The following SRGAP3 variants were observed in gnomAD, a reference collection of about 807,000 sequenced individuals.
The protein encoded by SRGAP3 is SLIT-ROBO Rho GTPase activating protein 3, also known as SLIT-ROBO Rho GTPase-activating protein 3.
A neutral mutation model predicts 121.1 loss-of-function variants in SRGAP3; 39 were observed. The ratio of observed to expected loss-of-function variants is 0.32; its 90% CI spans 0.25 to 0.42. SRGAP3 has a LOEUF of 0.42. Ranked by LOEUF, SRGAP3 falls within the 10% of genes least tolerant of loss-of-function variation. SRGAP3 has a pLI of 1.00. For synonymous variants in SRGAP3, 601 were observed against 570.0 expected (o/e 1.05, Z -0.77); for missense variants, 1,213 against 1,470.6 (o/e 0.82, Z 2.86).
chr3:9,024,671 C>A (rs938599422), intron 14 of SRGAP3, among the ~76,000 whole-genome samples: 2 of 152,194 alleles, frequency 1.3e-5, no homozygotes, highest in Non-Finnish European at 2.9e-5. Flanking sequence ...AAAATGGGAA[C>A]TAGGTCACCT....
chr3:9,046,161 T>C (rs983524493), intron 10 of SRGAP3, among the ~76,000 whole-genome samples: 1 of 151,178 alleles, frequency 6.6e-6, no homozygotes, highest in Non-Finnish European at 1.5e-5. Flanking sequence ...CCCCCAAGTA[T>C]AACCACCACT....
intron 3 of SRGAP3, among the ~76,000 whole-genome samples, chr3:9,086,115 C>T (rs1947460170): frequency 6.6e-6 from 1 of 152,240 alleles, no homozygotes; most frequent in Non-Finnish European, 1.5e-5. Flanking sequence ...CCCCTAGAAG[C>T]TAAATTCAGA....
intron 3 of SRGAP3, among the ~76,000 whole-genome samples, chr3:9,291,071 A>T (rs1954860820): frequency 6.6e-6 from 1 of 152,176 alleles, no homozygotes; most frequent in African/African-American, 2.4e-5. Context: ...CTTTACCGAT[A>T]AATAAAATAT....
At chr3:9,118,053 G>GCCCAGA (rs1422842807) in intron 2 of SRGAP3, among the ~76,000 whole-genome samples, 12 of 152,030 alleles carry the variant, frequency 7.9e-5, no homozygotes, top group African/African-American at 2.9e-4. Flanking sequence ...GATCACTTGA[G>GCCCAGA]CCCAGAAGTT....
chr3:9,009,769 T>C (rs559370938), intron 18 of SRGAP3, among the ~76,000 whole-genome samples: 1 of 152,240 alleles, frequency 6.6e-6, no homozygotes, highest in Non-Finnish European at 1.5e-5. Flanking sequence ...CCCAGGATCA[T>C]CACCCTTTGA....
At chr3:9,326,073 T>C (rs1274944138) in exon 3 of SRGAP3, 4 of 151,864 alleles carry the variant, frequency 2.6e-5, no homozygotes, top group Non-Finnish European at 5.9e-5. Context: ...GCTGTGAGAT[T>C]ATGAACCCAA....
At chr3:9,167,388 A>G (rs1261652337) in intron 1 of SRGAP3, among the ~76,000 whole-genome samples, 1 of 152,034 alleles carries the variant, frequency 6.6e-6, no homozygotes, top group Admixed American at 6.5e-5. Flanking sequence ...TACACATTTG[A>G]CATTTGCTGC....
At chr3:9,342,950 C>A (rs1321589161) in intron 1 of SRGAP3, among the ~76,000 whole-genome samples, 1 of 152,256 alleles carries the variant, frequency 6.6e-6, no homozygotes, top group Non-Finnish European at 1.5e-5. Flanking sequence ...TCTTGCCAGG[C>A]TTTCAACCCA....
At chr3:9,010,958 G>C (rs979512294) in intron 17 of SRGAP3, among the ~76,000 whole-genome samples, 6 of 152,162 alleles carry the variant, frequency 3.9e-5, no homozygotes, top group African/African-American at 1.4e-4. Context: ...AATTGTTAAT[G>C]TGCTGGTATA....
At chr3:9,198,395 G>A (rs1951972444) in intron 1 of SRGAP3, among the ~76,000 whole-genome samples, 2 of 152,194 alleles carry the variant, frequency 1.3e-5, no homozygotes. Context: ...CAGTGATGAG[G>A]AAGACTGGGG....
At chr3:9,193,374 G>T (rs1291589635) in intron 1 of SRGAP3, 1 of 152,226 alleles carries the variant, frequency 6.6e-6, no homozygotes, top group African/African-American at 2.4e-5. Flanking sequence ...CTCCTTAAAA[G>T]CCACCGAAAA....
At chr3:9,163,986 CTTTTTTTTTTTTT>C (rs767652463) in intron 1 of SRGAP3, among the ~76,000 whole-genome samples, 55 of 83,322 alleles carry the variant, frequency 6.6e-4, no homozygotes, top group Non-Finnish European at 9.5e-4. Context: ...AACTACTATT[CTTTTTTTTTTTTT>C]TTTTTTTTTT....
chr3:9,156,419 T>C (rs1440170966), intron 1 of SRGAP3, among the ~76,000 whole-genome samples: 1 of 152,216 alleles, frequency 6.6e-6, no homozygotes, highest in Non-Finnish European at 1.5e-5. Context: ...GCTCCGGGCT[T>C]AAATCCCATG....
intron 1 of SRGAP3, among the ~76,000 whole-genome samples, chr3:9,171,222 T>C (rs537475272): frequency 1.3e-5 from 2 of 152,328 alleles, no homozygotes; most frequent in East Asian, 3.9e-4. Flanking sequence ...GACAACGTGT[T>C]ACTCCTTGGG....
chr3:9,305,596 T>C (rs570172325), intron 3 of SRGAP3, among the ~76,000 whole-genome samples: 54 of 151,994 alleles, frequency 3.6e-4, no homozygotes, highest in African/African-American at 1.3e-3. Flanking sequence ...TGTGTGATGT[T>C]CCCCACCCTG....
At chr3:9,097,904 C>T (rs1217428113) in intron 3 of SRGAP3, among the ~76,000 whole-genome samples, 2 of 152,140 alleles carry the variant, frequency 1.3e-5, no homozygotes, top group African/African-American at 2.4e-5. Context: ...CACCACAGTC[C>T]GACTTCTCGG....
intron 1 of SRGAP3, among the ~76,000 whole-genome samples, chr3:9,167,770 A>G (rs940947792): frequency 6.6e-6 from 1 of 152,124 alleles, no homozygotes; most frequent in Non-Finnish European, 1.5e-5. Context: ...TTGAAAGCAA[A>G]AGCTATTTTC....
In SRGAP3 at chr3:9,213,961, A is replaced by T. The variant is rs943575824; in HGVS notation, c.67+34924T>A. Among the ~76,000 whole-genome samples, 8 of 152,120 alleles carry T rather than the reference A, an allele frequency of 5.3e-5. No individual in the cohort carries two copies. The South Asian group carries it at 1.5e-3, about 28-fold the overall frequency. ...AATATCAGCTTACAGACGTTTCCTG[A>T]TTTCTCATCAGGAACCATTCCCCTC... On this transcript the variant is annotated intron_variant, in intron 1 of 21. Coordinates refer to ENST00000383836, the MANE Select transcript of SRGAP3 (RefSeq NM_014850.4).
At position 9,026,950 on chromosome 3, in the gene SRGAP3, A is replaced by C; in HGVS notation, c.1585T>G (p.Tyr529Asp). The change falls in exon 13 of 22, where the codon TAC (tyrosine) becomes GAC (aspartate). Residue 529 changes from tyrosine (Y) to aspartate (D), a missense_variant. Tyr to Asp is a radical substitution (Grantham distance 160). Coordinates refer to ENST00000383836, the MANE Select transcript of SRGAP3 (RefSeq NM_014850.4). ...TCCAGCTTACCATATAAATTGATGT[A>C]ACGGATGCAGCTCTCGACTACAAGC... ...IPLVVESCIR[Y>D]INLYGLQQQG... The C allele has an allele frequency of 6.2e-7, 1 of 1,614,224 alleles. No individual in the cohort carries two copies. The highest frequency in any genetic ancestry group is 8.5e-7 in the Non-Finnish European group (1 of 1,180,044).
Sources: allele counts gnomAD v4.1 joint callset (sites outside exome capture counted in the v4.1 genomes callset), GRCh38; gene constraint gnomAD v4.1.1; transcripts MANE v1.5; gene names NCBI Gene and HGNC (gene_info 2026-07-23, HGNC 2026-07-21).